The following SPON1 variants were observed in gnomAD, a reference collection of about 807,000 sequenced individuals.
SPON1 encodes spondin 1.
A neutral mutation model predicts 111.7 loss-of-function variants in SPON1; 52 were observed. The observed-to-expected ratio is 0.47, with a 90% CI of 0.37 to 0.59. The LOEUF (loss-of-function observed/expected upper bound fraction) is 0.59. SPON1 is among the 20% of genes least tolerant of loss of function. The pLI, the probability that SPON1 is intolerant of heterozygous loss-of-function variation, is 0.00. For missense variants in SPON1, 957 were observed against 1,068.5 expected (o/e 0.90, Z 1.46); for synonymous variants, 410 against 395.8 (o/e 1.04, Z -0.43).
intron 2 of SPON1, among the ~76,000 whole-genome samples, chr11:14,029,549 GTCC>G (rs2133807709): frequency 6.6e-6 from 1 of 152,266 alleles, no homozygotes; most frequent in South Asian, 2.1e-4. Flanking sequence ...AAGTGAGAGA[GTCC>G]TCCTATCAGG....
At chr11:14,028,238 T>C (rs782580509) in intron 2 of SPON1, among the ~76,000 whole-genome samples, 1 of 152,102 alleles carries the variant, frequency 6.6e-6, no homozygotes, top group African/African-American at 2.4e-5. Flanking sequence ...TCTCAGCTCT[T>C]TGGGAGGCTG....
intron 6 of SPON1, among the ~76,000 whole-genome samples, chr11:14,179,713 A>G (rs1471783286): frequency 6.6e-6 from 1 of 152,148 alleles, no homozygotes; most frequent in African/African-American, 2.4e-5. Context: ...CTTTCTAGAA[A>G]GCACCCAGAT....
chr11:14,160,421 A>T lies in SPON1; in HGVS notation c.825+24853A>T, dbSNP rs1385232245. ...TATATATTTATATATATATATTTAT[A>T]TATATATATTTATATATATATTTAT... is the stretch of plus-strand genomic sequence containing the variant. On this transcript the variant is annotated intron_variant, in intron 6 of 15. Coordinates refer to ENST00000576479, the MANE Select transcript of SPON1 (RefSeq NM_006108.4). Among the ~76,000 whole-genome samples, 6 of 40,362 alleles carry T rather than the reference A, an allele frequency of 1.5e-4. 2 individuals carry two copies. The highest frequency in any genetic ancestry group is 2.3e-4 in the Non-Finnish European group (6 of 26,096). The allele number at this position is 40,362 out of a possible 152,430, so 26.5% of individuals were successfully genotyped here. A position where few individuals can be genotyped will look rare whatever the true frequency, so the allele number is the denominator to read the frequency against.
At chr11:14,012,750 C>T (rs1212470636) in intron 2 of SPON1, among the ~76,000 whole-genome samples, 4 of 152,084 alleles carry the variant, frequency 2.6e-5, no homozygotes, top group African/African-American at 9.7e-5. Context: ...TTTATTTCTG[C>T]CTCTTTGTCT....
At chr11:14,225,480 G>A (rs1231409522) in intron 6 of SPON1, among the ~76,000 whole-genome samples, 1 of 152,160 alleles carries the variant, frequency 6.6e-6, no homozygotes, top group Non-Finnish European at 1.5e-5. Context: ...TTGTTGATAG[G>A]ATCCAACTTC....
At chr11:14,045,621 A>AAT (rs1290738204) in intron 3 of SPON1, among the ~76,000 whole-genome samples, 1 of 120,028 alleles carries the variant, frequency 8.3e-6, no homozygotes, top group East Asian at 2.2e-4. Flanking sequence ...ATTTTGTTTT[A>AAT]ATATATATAT....
At chr11:14,145,987 G>A (rs1236882435) in intron 6 of SPON1, among the ~76,000 whole-genome samples, 4 of 152,080 alleles carry the variant, frequency 2.6e-5, no homozygotes, top group Non-Finnish European at 4.4e-5. Context: ...TTATATTCAT[G>A]TATAGGATTA....
At chr11:14,014,925 T>C (rs1197777368) in intron 2 of SPON1, among the ~76,000 whole-genome samples, 2 of 152,236 alleles carry the variant, frequency 1.3e-5, no homozygotes, top group Non-Finnish European at 2.9e-5. Context: ...ACTGGCCTTA[T>C]AGATTTTTAC....
intron 5 of SPON1, among the ~76,000 whole-genome samples, chr11:14,123,546 C>A (rs1847421441): frequency 6.6e-6 from 1 of 152,112 alleles, no homozygotes; most frequent in African/African-American, 2.4e-5. Context: ...CCTCTAGAAT[C>A]TCTATTCAGC....
intron 3 of SPON1, among the ~76,000 whole-genome samples, chr11:14,055,933 C>T (rs1398563313): frequency 6.6e-6 from 1 of 152,200 alleles, no homozygotes; most frequent in Non-Finnish European, 1.5e-5. Context: ...CCTGCCTAAC[C>T]CCAGTGGCCT....
chr11:14,248,977 G>A (rs769616105), intron 7 of SPON1, among the ~76,000 whole-genome samples: 14 of 152,192 alleles, frequency 9.2e-5, no homozygotes, highest in Admixed American at 5.2e-4. Context: ...AGTTCCTCCG[G>A]TGCCTAAGTA....
intron 1 of SPON1, among the ~76,000 whole-genome samples, chr11:13,981,226 C>A (rs1848141419): frequency 6.6e-6 from 1 of 152,194 alleles, no homozygotes; most frequent in Admixed American, 6.5e-5. Flanking sequence ...CAAAAAAATA[C>A]TGCAATAAAA....
In SPON1 at chr11:13,996,789, A is replaced by G. The variant is rs1848276120; in HGVS notation, c.345+13836A>G. Among the ~76,000 whole-genome samples the G allele has an allele frequency of 1.3e-5, 2 of 152,050 alleles. 1 individual carries two copies. Among genetic ancestry groups the G allele is most frequent in the South Asian group, 4.1e-4 (2 of 4,826 alleles). On this transcript the variant is annotated intron_variant, in intron 2 of 15. Coordinates refer to ENST00000576479, the MANE Select transcript of SPON1 (RefSeq NM_006108.4). ...GGAACCATTCTCTATATAGGGTTTT[A>G]TATCCTGTTTTATTTTTATGGGAAC... is the stretch of plus-strand genomic sequence containing the variant.
intron 5 of SPON1, among the ~76,000 whole-genome samples, chr11:14,090,448 C>T (rs189381199): frequency 6.6e-6 from 1 of 152,304 alleles, no homozygotes; most frequent in East Asian, 1.9e-4. Flanking sequence ...GTGAGTGTTA[C>T]AGCTCTTAAG....
chr11:14,195,097 T>G (rs1173263829), intron 6 of SPON1, among the ~76,000 whole-genome samples: 3 of 152,210 alleles, frequency 2.0e-5, no homozygotes, highest in African/African-American at 7.2e-5. Flanking sequence ...CACATGTAAT[T>G]ACTAAGTAGC....
chr11:14,019,431 T>C (rs1848465399), intron 2 of SPON1, among the ~76,000 whole-genome samples: 1 of 150,800 alleles, frequency 6.6e-6, no homozygotes, highest in Non-Finnish European at 1.5e-5. Context: ...TATATGATTA[T>C]ATATATAATT....
intron 6 of SPON1, among the ~76,000 whole-genome samples, chr11:14,221,855 TC>T (rs1303950128): frequency 1.3e-5 from 2 of 152,158 alleles, no homozygotes; most frequent in African/African-American, 4.8e-5. Flanking sequence ...CCTGTGAGCC[TC>T]CTAATGCCCA....
chr11:14,056,962 G>C (rs1462358285), intron 3 of SPON1, among the ~76,000 whole-genome samples: 1 of 151,974 alleles, frequency 6.6e-6, no homozygotes, highest in Non-Finnish European at 1.5e-5. Context: ...AGCATGCTAA[G>C]GGCTCTAAAT....
chr11:14,086,798 C>G (rs1849010388), intron 5 of SPON1, among the ~76,000 whole-genome samples: 2 of 152,098 alleles, frequency 1.3e-5, no homozygotes, highest in African/African-American at 4.8e-5. Context: ...GGTTGGTAGG[C>G]TATTAATTAA....
Sources: allele counts gnomAD v4.1 joint callset (sites outside exome capture counted in the v4.1 genomes callset), GRCh38; gene constraint gnomAD v4.1.1; transcripts MANE v1.5; gene names NCBI Gene and HGNC (gene_info 2026-07-23, HGNC 2026-07-21).